PASK: variants seen among roughly 807,000 people sequenced by gnomAD.
PASK encodes PAS domain-containing serine/threonine-protein kinase.
PASK carries 110 observed loss-of-function variants against 121.0 expected under a neutral mutation model. That is an observed-to-expected ratio of 0.91 (90% CI 0.78 to 1.06). The LOEUF is 1.06. Ranked by LOEUF, PASK falls within the 50% of genes least tolerant of loss-of-function variation. The pLI, the probability that PASK is intolerant of heterozygous loss-of-function variation, is 0.00. For missense variants in PASK, 1,643 were observed against 1,702.3 expected (o/e 0.97, Z 0.61); for synonymous variants, 686 against 717.8 (o/e 0.96, Z 0.71).
chr2:241,108,450 C>A lies in PASK; in HGVS notation c.3534-150G>T. The A allele has an allele frequency of 1.3e-6, 1 of 772,262 alleles. No homozygotes were observed. The highest frequency in any genetic ancestry group is 1.5e-5 in the South Asian group (1 of 67,358). 47.8% of individuals were successfully genotyped at this position (772,262 alleles called of 1,614,324 possible). A position where few individuals can be genotyped will look rare whatever the true frequency, so the allele number is the denominator to read the frequency against. The stretch of plus-strand genomic sequence containing the variant: ...GGGTCACTCCACCCCTCAAACACGC[C>A]CTCCATTTCCACGCACTTCTGCCCC... On this transcript the variant is annotated intron_variant, in intron 15 of 17. Coordinates refer to ENST00000234040, the MANE Select transcript of PASK (RefSeq NM_015148.4). The surrounding 1 kb of genome is among the most constrained non-coding windows in gnomAD (Gnocchi z 5.2).
chr2:241,142,757 G>T, intron 2 of PASK, 80 bp downstream of exon 2: 1 of 1,103,304 alleles, frequency 9.1e-7, no homozygotes, highest in Non-Finnish European at 1.4e-6. Context: ...TCCCTGGTGA[G>T]AGGGTTTCCA....
chr2:241,135,038 G>A (rs1030342353), intron 8 of PASK, among the ~76,000 whole-genome samples: 22 of 152,208 alleles, frequency 1.4e-4, no homozygotes, highest in African/African-American at 4.8e-4. Context: ...GAGCTCAGGC[G>A]TGGGCCCTGC....
intron 7 of PASK, among the ~76,000 whole-genome samples, 199 bp downstream of exon 7, chr2:241,136,805 T>TG (rs1336823055): frequency 6.6e-6 from 1 of 152,044 alleles, no homozygotes; most frequent in Non-Finnish European, 1.5e-5. Flanking sequence ...CGACGGTGGT[T>TG]GCTGGGGAAG....
In PASK at chr2:241,136,387, G is replaced by A. The variant is rs557496570; in HGVS notation, c.1138-348C>T. Among the ~76,000 whole-genome samples the A allele has an allele frequency of 2.0e-4, 31 of 152,032 alleles. 1 individual carries two copies. In the South Asian group the frequency reaches 5.8e-3, roughly 28 times the overall value. On this transcript the variant is annotated intron_variant, in intron 7 of 17. Transcript: ENST00000234040. ...CACCTCACGCGGCTCACTGGTGGCC[G>A]GAACAGTGACATGCACCCAGGACAG...
chr2:241,122,678 C>T (rs2065665654), intron 12 of PASK, 54 bp downstream of exon 12: 5 of 1,547,428 alleles, frequency 3.2e-6, no homozygotes, highest in Non-Finnish European at 4.5e-6. Flanking sequence ...GACCAAAAGT[C>T]GAGAGCCATG....
At chr2:241,117,279 C>A (rs1396600906) in intron 12 of PASK, among the ~76,000 whole-genome samples, 1 of 152,102 alleles carries the variant, frequency 6.6e-6, no homozygotes. Flanking sequence ...TCACTATGGC[C>A]CAAAAGGCCA....
intron 12 of PASK, among the ~76,000 whole-genome samples, chr2:241,121,663 A>G (rs2065618455): frequency 6.6e-6 from 1 of 152,248 alleles, no homozygotes; most frequent in Non-Finnish European, 1.5e-5. Context: ...ACTAAAAGTA[A>G]AAGAATGAGA....
intron 1 of PASK, among the ~76,000 whole-genome samples, chr2:241,146,788 G>A (rs1399992344): frequency 1.3e-5 from 2 of 152,232 alleles, no homozygotes; most frequent in Admixed American, 6.5e-5. Flanking sequence ...GTGCAAGAGT[G>A]GGGAAGAGGC....
At chr2:241,149,965 A>C, upstream of PASK, 1 of 1,423,188 alleles carries the variant, frequency 7.0e-7, no homozygotes, top group Non-Finnish European at 9.1e-7. Flanking sequence ...GCATGGGTAA[A>C]ATCCGCGCGG....
intron 10 of PASK, among the ~76,000 whole-genome samples, chr2:241,125,367 G>A (rs1300990168): frequency 1.3e-5 from 2 of 151,590 alleles, no homozygotes; most frequent in Admixed American, 6.6e-5. Context: ...TTGGGAAGCC[G>A]AGGCGGGCGG....
At chr2:241,150,067 C>G (rs189782014), upstream of PASK, 466 of 1,295,728 alleles carry the variant, frequency 3.6e-4, no homozygotes, top group African/African-American at 6.3e-3. Context: ...GCACGTAGGA[C>G]TGGCCCGCAC....
intron 9 of PASK, chr2:241,127,722 G>C: frequency 2.2e-6 from 1 of 453,410 alleles, no homozygotes; most frequent in Non-Finnish European, 4.1e-6. Context: ...GCTTTGGTCA[G>C]CGCTCTCGCT....
At chr2:241,135,165 T>C (rs2066348639) in intron 8 of PASK, among the ~76,000 whole-genome samples, 1 of 152,214 alleles carries the variant, frequency 6.6e-6, no homozygotes. Context: ...ACTGTGCATA[T>C]GAAAGGGACT....
Position 241,108,904 on chromosome 2 carries a change from G to A in PASK, c.3534-604C>T, listed in dbSNP as rs140660722. The A allele has an allele frequency of 9.1e-4, 157 of 173,050 alleles. 3 individuals are homozygous for A. Among genetic ancestry groups the A allele is most frequent in the Non-Finnish European group, 3.9e-4 (31 of 79,590 alleles). 10.7% of individuals were successfully genotyped at this position (173,050 alleles called of 1,614,324 possible). On this transcript the variant is annotated intron_variant, in intron 15 of 17. Coordinates refer to ENST00000234040, the MANE Select transcript of PASK (RefSeq NM_015148.4). This position sits in a 1 kb window ranked among gnomAD's most constrained non-coding sequence, Gnocchi z 5.2. ...GGGCCAAATGGAGGAGCAAGCTTCA[G>A]GGAGAAGACACCCAAAGGACTATTG... is the stretch of plus-strand genomic sequence containing the variant.
chr2:241,140,527 G>T lies in PASK; in HGVS notation c.423C>A (p.Thr141=). 1.2e-6 allele frequency: 2 copies of T among 1,604,730 alleles called. No individual in the cohort carries two copies. Among genetic ancestry groups the T allele is most frequent in the Non-Finnish European group, 1.7e-6 (2 of 1,172,170 alleles). ...NKAIFTVDAK[T]TEILVANDKA... ...CTAAAAGAGAAGCAAATACCTCTGT[G>T]GTCTTGGCATCCACCGTGAAGATGG... Residue 141 remains threonine, a synonymous_variant, in exon 3 of 18, where the codon ACC becomes ACA. Transcript: ENST00000234040.
chr2:241,149,590 G>A (rs909529735), upstream of PASK: 6 of 1,479,012 alleles, frequency 4.1e-6, no homozygotes, highest in African/African-American at 8.4e-5. Flanking sequence ...CCCGCGCTAA[G>A]GGTTGCTAGG....
intron 11 of PASK, among the ~76,000 whole-genome samples, chr2:241,123,262 G>A (rs2065703747): frequency 1.4e-5 from 2 of 145,876 alleles, no homozygotes; most frequent in South Asian, 2.3e-4. Flanking sequence ...TGCAAGCTCC[G>A]CCTCCCAGGT....
intron 12 of PASK, chr2:241,118,948 C>A (rs1194575387): frequency 9.7e-7 from 1 of 1,026,704 alleles, no homozygotes; most frequent in East Asian, 7.7e-5. Context: ...GAGTAAGCTG[C>A]CCGTGGCTGG....
chr2:241,145,087 G>C (rs1488653225), intron 1 of PASK, among the ~76,000 whole-genome samples: 4 of 152,062 alleles, frequency 2.6e-5, no homozygotes, highest in African/African-American at 9.7e-5. Context: ...CTAATTTTTG[G>C]TATTTTTAGT....
Sources: allele counts gnomAD v4.1 joint callset (sites outside exome capture counted in the v4.1 genomes callset), GRCh38; gene constraint gnomAD v4.1.1; non-coding constraint Gnocchi (gnomAD v3.1); transcripts MANE v1.5; gene names NCBI Gene and HGNC (gene_info 2026-07-23, HGNC 2026-07-21).